The following PTPRG variants were observed in gnomAD, a reference collection of about 807,000 sequenced individuals.
PTPRG encodes the protein protein tyrosine phosphatase receptor type G.
A neutral mutation model predicts 165.3 loss-of-function variants in PTPRG; 102 were observed. The ratio of observed to expected loss-of-function variants is 0.62; its 90% CI spans 0.53 to 0.73. PTPRG has a LOEUF of 0.73. PTPRG is among the 30% of genes least tolerant of loss of function. PTPRG has a pLI of 0.00. For missense variants in PTPRG, 1,866 were observed against 1,861.4 expected, an observed-to-expected ratio of 1.00 and a Z score of -0.05; for synonymous variants, 675 against 669.5, an observed-to-expected ratio of 1.01 and a Z score of -0.13.
intron 2 of PTPRG, among the ~76,000 whole-genome samples, chr3:61,790,288 C>G (rs563707914): frequency 6.6e-6 from 1 of 152,290 alleles, no homozygotes; most frequent in African/African-American, 2.4e-5. Context: ...CGAGTTGTTG[C>G]CTTCTCTTCT....
intron 2 of PTPRG, among the ~76,000 whole-genome samples, chr3:61,871,559 A>G (rs951586825): frequency 2.6e-5 from 4 of 152,160 alleles, no homozygotes; most frequent in African/African-American, 9.7e-5. Flanking sequence ...TTTGATTCTA[A>G]TAGGAAAAAG....
intron 2 of PTPRG, among the ~76,000 whole-genome samples, chr3:61,846,636 T>C (rs60291426): frequency 0.13 from 19,658 of 148,950 alleles, 1,795 homozygotes; most frequent in East Asian, 0.48. Context: ...AATATTTTTA[T>C]TGGGCGTGGT....
intron 6 of PTPRG, among the ~76,000 whole-genome samples, chr3:62,149,929 TCACTC>T (rs1704266319): frequency 6.6e-6 from 1 of 152,224 alleles, no homozygotes; most frequent in African/African-American, 2.4e-5. Context: ...CCTGCTTACT[TCACTC>T]CAACCATTTC....
At chr3:61,655,011 T>G (rs1174113363) in intron 1 of PTPRG, among the ~76,000 whole-genome samples, 1 of 151,766 alleles carries the variant, frequency 6.6e-6, no homozygotes, top group African/African-American at 2.4e-5. Flanking sequence ...GGTCTCAAAC[T>G]CCTGACCTCA....
At chr3:62,145,386 T>C (rs1261581865) in intron 6 of PTPRG, among the ~76,000 whole-genome samples, 2 of 152,148 alleles carry the variant, frequency 1.3e-5, no homozygotes, top group South Asian at 2.1e-4. Flanking sequence ...TCATCATCAT[T>C]ATTGTTACTT....
intron 2 of PTPRG, among the ~76,000 whole-genome samples, chr3:61,977,399 A>G (rs6802002): frequency 0.46 from 70,257 of 151,982 alleles, 17,049 homozygotes; most frequent in African/African-American, 0.63. Context: ...GGTTAATTAT[A>G]GAAGTATTAC....
chr3:61,963,334 A>T (rs1331934759), intron 2 of PTPRG, among the ~76,000 whole-genome samples: 1 of 152,176 alleles, frequency 6.6e-6, no homozygotes, highest in Non-Finnish European at 1.5e-5. Context: ...AAGAGTTTAC[A>T]GATTACCAGA....
intron 1 of PTPRG, among the ~76,000 whole-genome samples, chr3:61,667,980 G>T (rs943095444): frequency 6.6e-6 from 1 of 152,030 alleles, no homozygotes; most frequent in African/African-American, 2.4e-5. Context: ...AAGTTTTATT[G>T]GAATAGAGCC....
Position 62,135,936 on chromosome 3 carries a change from A to G in PTPRG, c.682+3268A>G, listed in dbSNP as rs79547005. Among the ~76,000 whole-genome samples the G allele has an allele frequency of 5.6e-4, 85 of 152,300 alleles. 1 individual carries two copies. The East Asian group carries it at 0.016, about 29-fold the overall frequency. ...CTCTTGTTCCCCACCATGTGTTGTC[A>G]TTGGCTGGAGCGTCCCAGCAAGAAT... On this transcript the variant is annotated intron_variant, in intron 6 of 29. Coordinates refer to ENST00000474889, the MANE Select transcript of PTPRG (RefSeq NM_002841.4).
intron 4 of PTPRG, among the ~76,000 whole-genome samples, chr3:62,035,523 A>G (rs1251495668): frequency 3.3e-5 from 5 of 152,158 alleles, no homozygotes; most frequent in East Asian, 1.9e-4. Flanking sequence ...ACTATCTCCT[A>G]TTTAAGAAAT....
intron 6 of PTPRG, among the ~76,000 whole-genome samples, chr3:62,137,432 C>T (rs1279621238): frequency 1.3e-5 from 2 of 152,176 alleles, no homozygotes; most frequent in East Asian, 1.9e-4. Context: ...TGAGGCAAAA[C>T]TCTGCAGCCC....
At chr3:62,123,399 C>T (rs908644848) in intron 5 of PTPRG, among the ~76,000 whole-genome samples, 2 of 152,148 alleles carry the variant, frequency 1.3e-5, no homozygotes, top group Non-Finnish European at 2.9e-5. Context: ...ATGTGCACCA[C>T]CAAACACTGG....
chr3:62,167,093 T>A (rs975116575), intron 7 of PTPRG, among the ~76,000 whole-genome samples: 2 of 152,148 alleles, frequency 1.3e-5, no homozygotes, highest in Admixed American at 6.5e-5. Flanking sequence ...CTTAATAATA[T>A]TAATAATAAT....
chr3:61,975,793 G>A (rs1279279979), intron 2 of PTPRG, among the ~76,000 whole-genome samples: 2 of 151,944 alleles, frequency 1.3e-5, no homozygotes, highest in African/African-American at 4.8e-5. Context: ...AATAATTCCT[G>A]TGGTCTGTAA....
At chr3:61,753,775 T>C in intron 2 of PTPRG, 1 of 316,298 alleles carries the variant, frequency 3.2e-6, no homozygotes, top group Non-Finnish European at 6.3e-6. Context: ...TGTGTATTTT[T>C]AGTAGAGATG....
chr3:62,196,924 AAGCC>A (rs1163928580), intron 10 of PTPRG, among the ~76,000 whole-genome samples: 7 of 152,226 alleles, frequency 4.6e-5, no homozygotes, highest in Non-Finnish European at 1.0e-4. Context: ...GATCTCCTGG[AAGCC>A]TCATTTGAGA....
intron 26 of PTPRG, 116 bp downstream of exon 26, chr3:62,277,795 A>AT: frequency 7.6e-7 from 1 of 1,308,438 alleles, no homozygotes; most frequent in South Asian, 1.5e-5. Flanking sequence ...GGAATTTAAA[A>AT]TTTTTAAATT....
At chr3:62,100,979 A>G (rs1417604373) in intron 5 of PTPRG, among the ~76,000 whole-genome samples, 5 of 152,218 alleles carry the variant, frequency 3.3e-5, no homozygotes, top group Admixed American at 3.3e-4. Context: ...GCAATGATAA[A>G]GTGGCATCCA....
At chr3:62,259,453 G>A (rs1325176229) in intron 16 of PTPRG, among the ~76,000 whole-genome samples, 1 of 152,212 alleles carries the variant, frequency 6.6e-6, no homozygotes, top group Non-Finnish European at 1.5e-5. Context: ...TTACGAATTT[G>A]TGTTGGGCTG....
Sources: gnomAD v4.1 joint callset for allele counts (sites outside exome capture counted in the v4.1 genomes callset) on GRCh38, gnomAD v4.1.1 for gene constraint, MANE v1.5 for transcripts, NCBI Gene and HGNC (gene_info 2026-07-23, HGNC 2026-07-21) for gene names.